CAMTA1: variants seen among roughly 807,000 people sequenced by gnomAD.
CAMTA1 encodes calmodulin-binding transcription activator 1.
Under a neutral mutation model 170.9 loss-of-function variants are expected in CAMTA1, and 27 were observed. The observed-to-expected ratio is 0.16, with a 90% CI of 0.12 to 0.22. CAMTA1 has a LOEUF of 0.22. CAMTA1 is among the 10% of genes least tolerant of loss of function. The pLI, the probability that CAMTA1 is intolerant of heterozygous loss-of-function variation, is 1.00. For synonymous variants in CAMTA1, 833 were observed against 891.5 expected, an observed-to-expected ratio of 0.93 and a Z score of 1.17; for missense variants, 1,619 against 2,217.2, an observed-to-expected ratio of 0.73 and a Z score of 5.42.
At chr1:6,985,498 T>G (rs1246224861) in intron 3 of CAMTA1, among the ~76,000 whole-genome samples, 1 of 152,266 alleles carries the variant, frequency 6.6e-6, no homozygotes, top group Non-Finnish European at 1.5e-5. Context: ...ATCACCCTAC[T>G]TCAGTGCTTT....
intron 3 of CAMTA1, among the ~76,000 whole-genome samples, chr1:6,898,952 CCT>C (rs1393602242): frequency 6.6e-6 from 1 of 152,070 alleles, no homozygotes; most frequent in African/African-American, 2.4e-5. Context: ...CCAAGGTGCC[CCT>C]GTCTTCCATC....
At chr1:7,131,138 G>C (rs1645227885) in intron 4 of CAMTA1, among the ~76,000 whole-genome samples, 1 of 152,040 alleles carries the variant, frequency 6.6e-6, no homozygotes, top group African/African-American at 2.4e-5. Context: ...ATTTTTAGTA[G>C]AGACGGGGTT....
intron 3 of CAMTA1, among the ~76,000 whole-genome samples, chr1:6,950,565 A>G (rs1358355144): frequency 6.6e-6 from 1 of 152,070 alleles, no homozygotes; most frequent in South Asian, 2.1e-4. Context: ...TGGGTGGCCA[A>G]TCAGAGACCT....
chr1:7,117,531 T>C (rs1644403631), intron 4 of CAMTA1, among the ~76,000 whole-genome samples: 1 of 152,132 alleles, frequency 6.6e-6, no homozygotes, highest in Non-Finnish European at 1.5e-5. Flanking sequence ...TAACCACTCC[T>C]GCCATGGATG....
At chr1:7,105,580 A>G (rs1349527155) in intron 4 of CAMTA1, among the ~76,000 whole-genome samples, 1 of 152,226 alleles carries the variant, frequency 6.6e-6, no homozygotes, top group African/African-American at 2.4e-5. Flanking sequence ...AACACAGTTT[A>G]TTATTAACAT....
At chr1:7,309,599 T>C (rs1389394571) in intron 5 of CAMTA1, among the ~76,000 whole-genome samples, 6 of 152,072 alleles carry the variant, frequency 3.9e-5, no homozygotes, top group African/African-American at 1.4e-4. Flanking sequence ...GCGCCCGGCC[T>C]GAAAACTTTT....
intron 3 of CAMTA1, among the ~76,000 whole-genome samples, chr1:6,938,464 C>T (rs1271438398): frequency 6.6e-6 from 1 of 152,146 alleles, no homozygotes; most frequent in African/African-American, 2.4e-5. Flanking sequence ...GCTGGCAGCC[C>T]TGGGGCCACG....
chr1:7,602,638 T>C (rs937145573), intron 6 of CAMTA1, among the ~76,000 whole-genome samples: 6 of 152,242 alleles, frequency 3.9e-5, no homozygotes, highest in Non-Finnish European at 8.8e-5. Flanking sequence ...TGAAGGGTTT[T>C]TTGTGTCTCT....
chr1:6,920,642 G>C (rs974701474), intron 3 of CAMTA1, among the ~76,000 whole-genome samples: 1 of 152,196 alleles, frequency 6.6e-6, no homozygotes, highest in Non-Finnish European at 1.5e-5. Context: ...ACTTTTTCCT[G>C]GGCATCCAGG....
intron 6 of CAMTA1, among the ~76,000 whole-genome samples, chr1:7,541,791 C>G (rs1166753653): frequency 1.3e-5 from 2 of 152,202 alleles, no homozygotes; most frequent in South Asian, 4.1e-4. Flanking sequence ...CACAGGGGTT[C>G]TGGTGAACTC....
Position 7,093,324 on chromosome 1 carries a change from G to A in CAMTA1, c.302+1953G>A, listed in dbSNP as rs1275552393. On this transcript the variant is annotated intron_variant, in intron 4 of 22. Transcript: ENST00000303635. The surrounding 1 kb of genome is among the most constrained non-coding windows in gnomAD (Gnocchi z 4.6). ...TGGGACTGTACTTTGAGGGCCACTG[G>A]CCTAGTTTTCTGGGGGAGAAGGAGG... 1.3e-5 allele frequency among the ~76,000 whole-genome samples: 2 copies of A among 152,152 alleles called. No individual in the cohort carries two copies. Among genetic ancestry groups the A allele is most frequent in the Non-Finnish European group, 1.5e-5 (1 of 68,024 alleles).
intron 5 of CAMTA1, among the ~76,000 whole-genome samples, chr1:7,361,644 A>G (rs968735239): frequency 6.6e-6 from 1 of 152,242 alleles, no homozygotes; most frequent in Non-Finnish European, 1.5e-5. Flanking sequence ...ATCTCATTTC[A>G]TGCAATAAAT....
intron 4 of CAMTA1, among the ~76,000 whole-genome samples, chr1:7,145,495 C>T (rs937448757): frequency 1.8e-4 from 27 of 152,138 alleles, no homozygotes; most frequent in Admixed American, 1.8e-3. Flanking sequence ...GAAATCGAGA[C>T]GGGAAGTACC....
At chr1:6,927,890 C>T (rs1273647592) in intron 3 of CAMTA1, among the ~76,000 whole-genome samples, 1 of 152,246 alleles carries the variant, frequency 6.6e-6, no homozygotes, top group African/African-American at 2.4e-5. Flanking sequence ...ACCCAGGAAA[C>T]TGGCCAATAG....
chr1:7,379,577 C>G (rs993533610), intron 5 of CAMTA1, among the ~76,000 whole-genome samples: 1 of 152,162 alleles, frequency 6.6e-6, no homozygotes, highest in Non-Finnish European at 1.5e-5. Flanking sequence ...CCCAGGAAAC[C>G]GTAAAACAAA....
chr1:7,632,011 G>A (rs774067264), intron 6 of CAMTA1, among the ~76,000 whole-genome samples: 4 of 152,004 alleles, frequency 2.6e-5, no homozygotes, highest in African/African-American at 7.2e-5. Flanking sequence ...ACCCAGTGTC[G>A]CCCAGTGTCG....
At chr1:7,329,404 C>A (rs2082884057) in intron 5 of CAMTA1, among the ~76,000 whole-genome samples, 1 of 152,006 alleles carries the variant, frequency 6.6e-6, no homozygotes, top group South Asian at 2.1e-4. Flanking sequence ...AAAGAAATTC[C>A]AAAATTTGAC....
intron 11 of CAMTA1, among the ~76,000 whole-genome samples, chr1:7,696,251 C>G (rs1399264292): frequency 6.6e-6 from 1 of 152,182 alleles, no homozygotes; most frequent in South Asian, 2.1e-4. Context: ...GGCCAGAGTA[C>G]AGTGGCGCAA....
intron 6 of CAMTA1, among the ~76,000 whole-genome samples, chr1:7,614,337 C>T (rs2095544741): frequency 1.3e-5 from 2 of 152,060 alleles, no homozygotes; most frequent in South Asian, 2.1e-4. Flanking sequence ...GCCTCAGCCA[C>T]CTATTTATGT....
Sources: allele counts gnomAD v4.1 joint callset (sites outside exome capture counted in the v4.1 genomes callset), GRCh38; gene constraint gnomAD v4.1.1; non-coding constraint Gnocchi (gnomAD v3.1); transcripts MANE v1.5; gene names NCBI Gene and HGNC (gene_info 2026-07-23, HGNC 2026-07-21).